The following SNRPN variants were observed in gnomAD, a reference collection of about 807,000 sequenced individuals.
SNRPN encodes the protein small nuclear ribonucleoprotein-associated protein N.
A neutral mutation model predicts 25.2 loss-of-function variants in SNRPN; 7 were observed. The ratio of observed to expected loss-of-function variants is 0.28; its 90% confidence interval spans 0.16 to 0.52. The LOEUF is 0.52. SNRPN is among the 20% of genes least tolerant of loss of function. The pLI is 0.96. For missense variants in SNRPN, 196 were observed against 322.5 expected, an observed-to-expected ratio of 0.61 and a Z score of 3.00; for synonymous variants, 124 against 110.6, an observed-to-expected ratio of 1.12 and a Z score of -0.76.
intron 3 of SNRPN, among the ~76,000 whole-genome samples, chr15:24,944,763 T>G: frequency 6.6e-6 from 1 of 152,200 alleles, no homozygotes; most frequent in East Asian, 1.9e-4. Context: ...AGTCTCAGTC[T>G]CTGTTTCTCT....
intron 3 of SNRPN, among the ~76,000 whole-genome samples, chr15:24,940,008 T>C (rs2061457467): frequency 6.6e-6 from 1 of 152,158 alleles, no homozygotes; most frequent in Non-Finnish European, 1.5e-5. Flanking sequence ...CAGGCTGGTC[T>C]CAAACCATTG....
chr15:24,970,579 C>CA (rs949989236), intron 3 of SNRPN, among the ~76,000 whole-genome samples: 4 of 150,890 alleles, frequency 2.7e-5, no homozygotes, highest in Non-Finnish European at 4.4e-5. Context: ...ACTTCTATCT[C>CA]AAAAAAAAAT....
chr15:24,880,170 C>T (rs2056439047), intron 1 of SNRPN, among the ~76,000 whole-genome samples: 2 of 152,292 alleles, frequency 1.3e-5, no homozygotes, highest in African/African-American at 4.8e-5. Context: ...GGTTTTCCCA[C>T]TTTTCGTTTT....
intron 2 of SNRPN, among the ~76,000 whole-genome samples, chr15:24,830,140 G>A (rs928781071): frequency 5.9e-5 from 9 of 152,058 alleles, no homozygotes; most frequent in Non-Finnish European, 1.0e-4. Context: ...TCTACCACAC[G>A]TAACCATGCC....
At chr15:24,974,137 G>A (rs1215326811) in intron 3 of SNRPN, among the ~76,000 whole-genome samples, 174 bp from the exon 4 acceptor site, 1 of 152,240 alleles carries the variant, frequency 6.6e-6, no homozygotes, top group Non-Finnish European at 1.5e-5. Context: ...TGTGTCAAAT[G>A]TGAGAGTTAA....
chr15:24,909,535 A>T, intron 2 of SNRPN: 1 of 1,476,316 alleles, frequency 6.8e-7, no homozygotes, highest in Admixed American at 1.7e-5. Flanking sequence ...AATATGCTGC[A>T]GCATAATTTG....
In SNRPN at chr15:24,835,091, T is replaced by C. The variant is rs1261626927; in HGVS notation, c.-579+5186T>C. 2.6e-4 allele frequency among the ~76,000 whole-genome samples: 4 copies of C among 15,400 alleles called. 1 individual carries two copies. Among genetic ancestry groups the C allele is most frequent in the African/African-American group, 4.6e-4 (4 of 8,772 alleles). 10.1% of individuals were successfully genotyped at this position (15,400 alleles called of 152,430 possible). A position where few individuals can be genotyped will look rare whatever the true frequency, so the allele number is the denominator to read the frequency against. ...ATAGTATATATATCTATATATAAAA[T>C]ATATAGATATATATACTATATATCT... On this transcript the variant is annotated intron_variant, in intron 2 of 12. Transcript: ENST00000400100.
intron 2 of SNRPN, among the ~76,000 whole-genome samples, chr15:24,897,413 C>A (rs111486044): frequency 0.053 from 8,002 of 152,226 alleles, 740 homozygotes; most frequent in African/African-American, 0.18. Context: ...CGTAGCAAGA[C>A]CCTGTCTCTA....
At chr15:24,884,558 T>C (rs1234066918) in intron 1 of SNRPN, among the ~76,000 whole-genome samples, 1 of 152,186 alleles carries the variant, frequency 6.6e-6, no homozygotes, top group Admixed American at 6.5e-5. Context: ...TGTGCTGGTA[T>C]GTAGACACCA....
At chr15:24,863,448 C>T (rs1240859145) in intron 1 of SNRPN, among the ~76,000 whole-genome samples, 6 of 149,770 alleles carry the variant, frequency 4.0e-5, no homozygotes, top group Non-Finnish European at 8.8e-5. Flanking sequence ...TCTCCATGGA[C>T]ATACAGATTT....
upstream of SNRPN, among the ~76,000 whole-genome samples, chr15:24,853,853 A>T (rs2053125656): frequency 1.3e-5 from 2 of 152,184 alleles, no homozygotes; most frequent in Admixed American, 6.5e-5. Flanking sequence ...GCTATTTGTT[A>T]CACTTCCTGT....
intron 3 of SNRPN, among the ~76,000 whole-genome samples, chr15:24,969,249 C>G (rs575940623): frequency 6.6e-6 from 1 of 152,126 alleles, no homozygotes; most frequent in Admixed American, 6.5e-5. Context: ...CTGCCTCAGC[C>G]TCCCAAGTAT....
chr15:24,954,368 T>C (rs1337623869), upstream of SNRPN, among the ~76,000 whole-genome samples: 1 of 152,190 alleles, frequency 6.6e-6, no homozygotes, highest in East Asian at 1.9e-4. Flanking sequence ...GAATAGCCAG[T>C]GTTTTTGAGT....
upstream of SNRPN, among the ~76,000 whole-genome samples, chr15:24,954,621 T>C (rs220030): frequency 0.34 from 51,005 of 152,136 alleles, 8,906 homozygotes; most frequent in East Asian, 0.51. Flanking sequence ...CCAGCTTTTT[T>C]GTACCGCACA....
chr15:24,898,513 G>A (rs187457071), intron 2 of SNRPN, among the ~76,000 whole-genome samples: 13 of 152,042 alleles, frequency 8.6e-5, no homozygotes, highest in East Asian at 1.9e-4. Flanking sequence ...ACTTGAACCC[G>A]GGAGGCAGAG....
chr15:24,826,102 G>A (rs939402660), intron 1 of SNRPN, among the ~76,000 whole-genome samples: 1 of 151,960 alleles, frequency 6.6e-6, no homozygotes. Flanking sequence ...AAGAGTTGAA[G>A]GCCAACTTCA....
rs1201437631 is a variant in SNRPN at position 24,872,603 on chromosome 15, G to A, written c.-578-13913G>A. Among the ~76,000 whole-genome samples the A allele has an allele frequency of 2.6e-5, 3 of 114,648 alleles. 1 individual carries two copies. Among genetic ancestry groups the A allele is most frequent in the East Asian group, 3.2e-4 (1 of 3,096 alleles). 75.2% of individuals were successfully genotyped at this position (114,648 alleles called of 152,430 possible). On this transcript the variant is annotated intron_variant, in intron 1 of 11. Coordinates refer to the SNRPN transcript ENST00000400097. ...TCTACTAACAATAAAAAAATTAGCT[G>A]AGTGTGATGAAACATGCCTGTAATC... is the stretch of plus-strand genomic sequence containing the variant.
At chr15:24,876,581 C>T (rs576531422) in intron 1 of SNRPN, among the ~76,000 whole-genome samples, 121 of 148,408 alleles carry the variant, frequency 8.2e-4, no homozygotes, top group African/African-American at 2.8e-3. Flanking sequence ...TGCTCCACTG[C>T]GCTCCAGCCT....
At chr15:24,842,751 G>T (rs1025887766) in intron 2 of SNRPN, among the ~76,000 whole-genome samples, 3 of 152,154 alleles carry the variant, frequency 2.0e-5, no homozygotes, top group African/African-American at 2.4e-5. Context: ...TTGCATTCCA[G>T]GCTGATGCTA....
Sources: allele counts gnomAD v4.1 joint callset (sites outside exome capture counted in the v4.1 genomes callset), GRCh38; gene constraint gnomAD v4.1.1; transcripts MANE v1.5; gene names NCBI Gene and HGNC (gene_info 2026-07-23, HGNC 2026-07-21).